The following CTNNA3 variants were observed in gnomAD, a reference collection of about 807,000 sequenced individuals.
CTNNA3 encodes the protein catenin alpha 3.
CTNNA3 carries 76 observed loss-of-function variants against 95.7 expected under a neutral mutation model. The observed-to-expected ratio is 0.79, with a 90% CI of 0.66 to 0.96. CTNNA3 has a LOEUF of 0.96. Among genes scored for constraint, CTNNA3 ranks in the 40% least tolerant of loss-of-function variants. The probability of loss-of-function intolerance (pLI) is 0.00; values close to 1 mark genes in which losing one functional copy is unlikely to be tolerated. For missense variants in CTNNA3, 1,191 were observed against 1,089.8 expected (o/e 1.09, Z -1.31); for synonymous variants, 431 against 374.4 (o/e 1.15, Z -1.74).
chr10:67,677,544 T>A (rs985775656), intron 1 of CTNNA3, among the ~76,000 whole-genome samples: 4 of 152,140 alleles, frequency 2.6e-5, no homozygotes, highest in Admixed American at 1.3e-4. Context: ...CACCCATGTA[T>A]CCTCACATCC....
chr10:66,887,551 A>G (rs1845090700), intron 7 of CTNNA3, among the ~76,000 whole-genome samples: 1 of 152,072 alleles, frequency 6.6e-6, no homozygotes. Flanking sequence ...ACTTTCTCCA[A>G]CCTTAACAAT....
chr10:66,246,187 G>C (rs556352855), intron 13 of CTNNA3, among the ~76,000 whole-genome samples: 4 of 152,232 alleles, frequency 2.6e-5, no homozygotes, highest in East Asian at 3.8e-4. Flanking sequence ...ACCACACTGA[G>C]AGCAGGGAAA....
At chr10:66,541,154 T>C (rs1911305) in intron 10 of CTNNA3, among the ~76,000 whole-genome samples, 151,607 of 152,212 alleles carry the variant, frequency 1, 75,506 homozygotes, top group Middle Eastern at 1. Flanking sequence ...AGGTGCCTCC[T>C]TATTGTTATC....
chr10:67,031,352 G>GA (rs1853714661), intron 7 of CTNNA3, among the ~76,000 whole-genome samples: 1 of 152,122 alleles, frequency 6.6e-6, no homozygotes, highest in Non-Finnish European at 1.5e-5. Context: ...GCAGATGATA[G>GA]AAAAAATCAG....
chr10:66,056,074 T>C (rs1255681026), intron 15 of CTNNA3, among the ~76,000 whole-genome samples: 2 of 152,194 alleles, frequency 1.3e-5, no homozygotes, highest in Admixed American at 6.5e-5. Flanking sequence ...ATAAAAGTGG[T>C]GAAAGTGGGA....
intron 5 of CTNNA3, among the ~76,000 whole-genome samples, chr10:67,221,433 T>C (rs1168178920): frequency 6.6e-6 from 1 of 152,090 alleles, no homozygotes; most frequent in Non-Finnish European, 1.5e-5. Flanking sequence ...CTCAAAACAC[T>C]AAGGTTTCAA....
At chr10:67,529,935 G>A (rs894275854) in intron 4 of CTNNA3, among the ~76,000 whole-genome samples, 7 of 151,904 alleles carry the variant, frequency 4.6e-5, no homozygotes, top group Admixed American at 2.0e-4. Context: ...CACTGTTCTC[G>A]TGATAGTGAA....
intron 6 of CTNNA3, among the ~76,000 whole-genome samples, chr10:67,181,628 A>G (rs1399299308): frequency 2.0e-5 from 3 of 151,996 alleles, no homozygotes; most frequent in Non-Finnish European, 4.4e-5. Context: ...ATGTATATGT[A>G]TTTTATATAG....
intron 5 of CTNNA3, among the ~76,000 whole-genome samples, chr10:67,317,001 C>G (rs137871800): frequency 6.6e-6 from 1 of 152,108 alleles, no homozygotes; most frequent in African/African-American, 2.4e-5. Flanking sequence ...ACACATATAC[C>G]ACCGATCTAT....
intron 2 of CTNNA3, among the ~76,000 whole-genome samples, chr10:67,624,456 C>G (rs1034133682): frequency 6.6e-6 from 1 of 152,132 alleles, no homozygotes; most frequent in African/African-American, 2.4e-5. Flanking sequence ...ATCTCCCCTC[C>G]TCTATGAAAA....
chr10:67,647,907 GCTT>G (rs1290010104), intron 1 of CTNNA3, among the ~76,000 whole-genome samples: 1 of 151,052 alleles, frequency 6.6e-6, no homozygotes, highest in Non-Finnish European at 1.5e-5. Context: ...CCCATATTTT[GCTT>G]CTTCTTGTTA....
intron 3 of CTNNA3, among the ~76,000 whole-genome samples, chr10:67,550,392 G>T (rs1338418423): frequency 6.6e-6 from 1 of 152,100 alleles, no homozygotes; most frequent in East Asian, 1.9e-4. Context: ...GGAGTCAACA[G>T]CCAGCTCATC....
At chr10:66,524,730 T>G (rs762355321) in intron 10 of CTNNA3, among the ~76,000 whole-genome samples, 2 of 151,800 alleles carry the variant, frequency 1.3e-5, no homozygotes, top group Admixed American at 6.6e-5. Flanking sequence ...AAACTGTAAA[T>G]AGACTGAACC....
At chr10:67,694,085 T>C (rs12261511) in intron 1 of CTNNA3, among the ~76,000 whole-genome samples, 35,541 of 152,166 alleles carry the variant, frequency 0.23, 4,973 homozygotes, top group East Asian at 0.52. Flanking sequence ...ATAAAAGTCA[T>C]ATAAATCACT....
At chr10:66,374,546 A>C (rs1264262915) in intron 12 of CTNNA3, among the ~76,000 whole-genome samples, 1 of 151,890 alleles carries the variant, frequency 6.6e-6, no homozygotes, top group Non-Finnish European at 1.5e-5. Flanking sequence ...AGAGATTCAA[A>C]GAAAAATAAT....
intron 1 of CTNNA3, among the ~76,000 whole-genome samples, chr10:67,676,776 C>A (rs1220123022): frequency 6.6e-6 from 1 of 152,120 alleles, no homozygotes; most frequent in Non-Finnish European, 1.5e-5. Flanking sequence ...ACAAGCATAC[C>A]ATTCCGGCAA....
intron 1 of CTNNA3, among the ~76,000 whole-genome samples, chr10:67,745,979 C>A (rs1841373155): frequency 6.6e-6 from 1 of 152,078 alleles, no homozygotes; most frequent in African/African-American, 2.4e-5. Context: ...GAAATAATAT[C>A]ATTAAAATGA....
chr10:67,308,311 A>C (rs1381885978), intron 5 of CTNNA3, among the ~76,000 whole-genome samples: 3 of 152,108 alleles, frequency 2.0e-5, no homozygotes, highest in Non-Finnish European at 4.4e-5. Context: ...GAATCATGGG[A>C]GTGAGTTTTT....
chr10:66,507,106 T>C (rs1009118744), intron 11 of CTNNA3, among the ~76,000 whole-genome samples: 2 of 152,202 alleles, frequency 1.3e-5, no homozygotes, highest in Non-Finnish European at 1.5e-5. Flanking sequence ...CCATTTTCTT[T>C]GTCAAATTTA....
Sources: gnomAD v4.1 joint callset for allele counts (sites outside exome capture counted in the v4.1 genomes callset) on GRCh38, gnomAD v4.1.1 for gene constraint, MANE v1.5 for transcripts, NCBI Gene and HGNC (gene_info 2026-07-23, HGNC 2026-07-21) for gene names.